Variants in GLT1D1 observed in about 807,000 individuals in gnomAD.
The protein encoded by GLT1D1 is glycosyltransferase 1 domain containing 1, also known as glycosyltransferase 1 domain-containing protein 1.
GLT1D1 carries 21 observed loss-of-function variants against 28.7 expected under a neutral mutation model. The ratio of observed to expected loss-of-function variants is 0.73; its 90% CI spans 0.52 to 1.05. The LOEUF (loss-of-function observed/expected upper bound fraction) is 1.05, where lower values mean the gene tolerates loss of function less well. Ranked by LOEUF, GLT1D1 falls within the 50% of genes least tolerant of loss-of-function variation. GLT1D1 has a pLI of 0.00. For missense variants in GLT1D1, 343 were observed against 330.6 expected (o/e 1.04, Z -0.29); for synonymous variants, 147 against 124.8 (o/e 1.18, Z -1.19).
chr12:128,964,305 C>A lies in GLT1D1; in HGVS notation c.639+6662C>A, dbSNP rs751485850. Among the ~76,000 whole-genome samples the A allele has an allele frequency of 1.8e-3, 271 of 152,192 alleles. 3 individuals carry two copies. The highest frequency in any genetic ancestry group is 9.4e-4 in the Non-Finnish European group (64 of 67,990). On this transcript the variant is annotated intron_variant, in intron 7 of 7. Transcript: ENST00000281703. The stretch of plus-strand genomic sequence containing the variant: ...GGCTGAGATGGGAGGATCACTTGAG[C>A]CTGAGAGGTAGAGGCTGCAAGGGAG...
chr12:128,935,912 C>G (rs1364346584), intron 4 of GLT1D1, among the ~76,000 whole-genome samples: 2 of 152,192 alleles, frequency 1.3e-5, no homozygotes, highest in Non-Finnish European at 2.9e-5. Flanking sequence ...CACCCCTAGA[C>G]CACAACCACA....
At chr12:128,855,854 C>A (rs112529428) in intron 1 of GLT1D1, among the ~76,000 whole-genome samples, 1 of 149,880 alleles carries the variant, frequency 6.7e-6, no homozygotes, top group Non-Finnish European at 1.5e-5. Flanking sequence ...CCGGTTCCAG[C>A]GATTCTCCTG....
At chr12:128,962,143 G>C (rs1044877604) in intron 7 of GLT1D1, among the ~76,000 whole-genome samples, 7 of 150,920 alleles carry the variant, frequency 4.6e-5, no homozygotes, top group African/African-American at 1.7e-4. Context: ...TGTCCCCCTC[G>C]GCCTCCTGGC....
At chr12:128,957,739 C>T in intron 7 of GLT1D1, 96 bp downstream of exon 11, 1 of 806,246 alleles carries the variant, frequency 1.2e-6, no homozygotes, top group Non-Finnish European at 2.0e-6. Context: ...GCTTAGTATT[C>T]CTGTCCTACC....
Position 128,956,090 on chromosome 12 carries a change from C to T in GLT1D1, c.541-1455C>T, listed in dbSNP as rs976751701. 6.4e-5 allele frequency among the ~76,000 whole-genome samples: 9 copies of T among 141,312 alleles called. No individual in the cohort carries two copies. The South Asian group carries it at 7.0e-4, about 11-fold the overall frequency. 92.7% of individuals were successfully genotyped at this position (141,312 alleles called of 152,430 possible). A position where few individuals can be genotyped will look rare whatever the true frequency, so the allele number is the denominator to read the frequency against. ...AGGAGAATGGCGTGAACCCGAGAGG[C>T]GGAGCTTACAGTGAGCCGAGATCGC... On this transcript the variant is annotated intron_variant, in intron 6 of 7. Transcript: ENST00000281703.
chr12:128,870,451 T>C (rs1047520270), intron 1 of GLT1D1, among the ~76,000 whole-genome samples: 13 of 152,300 alleles, frequency 8.5e-5, no homozygotes, highest in South Asian at 2.1e-4. Context: ...CTATGGGAGA[T>C]GCTTTTGTTT....
intron 4 of GLT1D1, among the ~76,000 whole-genome samples, chr12:128,905,637 T>C (rs1870770949): frequency 6.6e-6 from 1 of 152,230 alleles, no homozygotes; most frequent in South Asian, 2.1e-4. Flanking sequence ...CTCAAGTCAT[T>C]ATTTTTTAGT....
chr12:128,958,793 T>A (rs1463789642), intron 7 of GLT1D1, among the ~76,000 whole-genome samples: 3 of 136,164 alleles, frequency 2.2e-5, no homozygotes, highest in African/African-American at 2.7e-5. Flanking sequence ...GCATTGTCAC[T>A]ACGTATGCCT....
chr12:128,883,062 G>T (rs1265445652), intron 2 of GLT1D1, among the ~76,000 whole-genome samples: 1 of 151,606 alleles, frequency 6.6e-6, no homozygotes, highest in Non-Finnish European at 1.5e-5. Context: ...GAGTAGCTGG[G>T]ATTACGAGCA....
intron 7 of GLT1D1, among the ~76,000 whole-genome samples, chr12:128,973,007 C>T (rs1879338763): frequency 1.3e-5 from 2 of 152,074 alleles, no homozygotes; most frequent in Admixed American, 1.3e-4. Flanking sequence ...ATGTGACCCT[C>T]CTAACTGAAA....
intron 4 of GLT1D1, among the ~76,000 whole-genome samples, chr12:128,928,320 G>A (rs1033852514): frequency 3.3e-5 from 5 of 152,082 alleles, no homozygotes; most frequent in African/African-American, 9.7e-5. Context: ...TATGGTGGCC[G>A]TGACCGAGGG....
At chr12:128,895,684 C>T (rs2135844693) in intron 3 of GLT1D1, among the ~76,000 whole-genome samples, 1 of 152,094 alleles carries the variant, frequency 6.6e-6, no homozygotes, top group East Asian at 1.9e-4. Context: ...CTCTCAAACT[C>T]CTAACCTCAG....
Position 128,905,828 on chromosome 12 carries a change from G to T in GLT1D1, c.375+6541G>T, listed in dbSNP as rs545587862. ...TGATATTATAATATATCTTTTAAGT[G>T]TTTTTTTTTTTTCTTTATTAAAGGA... On this transcript the variant is annotated intron_variant, in intron 4 of 7. Coordinates refer to ENST00000281703, the MANE Select transcript of GLT1D1 (RefSeq NM_144669.3). Among the ~76,000 whole-genome samples, 1,387 of 146,948 alleles carry T rather than the reference G, an allele frequency of 9.4e-3. 11 individuals are homozygous for T. Among genetic ancestry groups the T allele is most frequent in the Non-Finnish European group, 0.015 (991 of 66,760 alleles).
At chr12:128,853,740 C>A in intron 1 of GLT1D1, 91 bp downstream of exon 1, 2 of 828,100 alleles carry the variant, frequency 2.4e-6, no homozygotes, top group Non-Finnish European at 1.5e-6. Flanking sequence ...CTCAGCCAGG[C>A]CCCCTCCAGC....
intron 1 of GLT1D1, among the ~76,000 whole-genome samples, chr12:128,854,138 G>C (rs502007): frequency 0.089 from 13,529 of 152,152 alleles, 705 homozygotes; most frequent in African/African-American, 0.14. Context: ...CCTCTGCCCT[G>C]TCTATTCTCG....
chr12:128,931,539 C>T (rs866164574), intron 4 of GLT1D1, among the ~76,000 whole-genome samples: 36 of 151,952 alleles, frequency 2.4e-4, no homozygotes, highest in African/African-American at 8.2e-4. Flanking sequence ...AACTCCTGAC[C>T]TCCGGTGATC....
At chr12:128,880,691 C>T (rs1331839969) in intron 2 of GLT1D1, among the ~76,000 whole-genome samples, 2 of 152,080 alleles carry the variant, frequency 1.3e-5, no homozygotes, top group East Asian at 3.9e-4. Context: ...CTTAGACAGC[C>T]TTCTATTGAT....
intron 2 of GLT1D1, among the ~76,000 whole-genome samples, chr12:128,886,461 G>C (rs1333869886): frequency 6.6e-6 from 1 of 152,150 alleles, no homozygotes; most frequent in Non-Finnish European, 1.5e-5. Flanking sequence ...GCCTGTTCTG[G>C]AGGTTGGAAA....
At chr12:128,924,857 T>G (rs1233430867) in intron 4 of GLT1D1, among the ~76,000 whole-genome samples, 2 of 152,154 alleles carry the variant, frequency 1.3e-5, no homozygotes, top group Non-Finnish European at 2.9e-5. Flanking sequence ...ATATGGCCAC[T>G]GCCACTGACA....
Sources: allele counts gnomAD v4.1 joint callset (sites outside exome capture counted in the v4.1 genomes callset), GRCh38; gene constraint gnomAD v4.1.1; transcripts MANE v1.5; gene names NCBI Gene and HGNC (gene_info 2026-07-23, HGNC 2026-07-21).